KCNN3: variants seen among roughly 807,000 people sequenced by gnomAD.
KCNN3 encodes potassium calcium-activated channel subfamily N member 3.
Under a neutral mutation model 62.9 loss-of-function variants are expected in KCNN3, and 16 were observed. That is an observed-to-expected ratio of 0.25 (90% CI 0.17 to 0.39). The LOEUF (loss-of-function observed/expected upper bound fraction) is 0.39. Among genes scored for constraint, KCNN3 ranks in the 10% least tolerant of loss-of-function variants. The pLI, the probability that KCNN3 is intolerant of heterozygous loss-of-function variation, is 1.00. For missense variants in KCNN3, 599 were observed against 949.4 expected (o/e 0.63, Z 4.85); for synonymous variants, 370 against 389.2 (o/e 0.95, Z 0.58).
At chr1:154,713,379 C>G in intron 7 of KCNN3, 85 bp downstream of exon 7, 1 of 1,155,408 alleles carries the variant, frequency 8.7e-7, no homozygotes, top group Non-Finnish European at 1.3e-6. Flanking sequence ...CTGTCCAGTG[C>G]GAACCCAGCC....
chr1:154,778,611 C>CTTTTTTTT (rs11459390), intron 2 of KCNN3, among the ~76,000 whole-genome samples: 14 of 73,634 alleles, frequency 1.9e-4, no homozygotes, highest in Non-Finnish European at 2.7e-4. Flanking sequence ...CTCTCTGTCT[C>CTTTTTTTT]TTTTTTTTTT....
At chr1:154,743,066 C>T (rs1167468678) in intron 3 of KCNN3, among the ~76,000 whole-genome samples, 1 of 152,180 alleles carries the variant, frequency 6.6e-6, no homozygotes, top group Non-Finnish European at 1.5e-5. Context: ...TCTCCAGAAT[C>T]GGAGCGCCTG....
At chr1:154,761,185 C>T (rs1009169181) in intron 3 of KCNN3, among the ~76,000 whole-genome samples, 2 of 152,180 alleles carry the variant, frequency 1.3e-5, no homozygotes, top group African/African-American at 4.8e-5. Context: ...AAGAAATCAA[C>T]TTAATGTTTA....
chr1:154,854,364 T>C (rs1652431964), intron 1 of KCNN3, among the ~76,000 whole-genome samples: 1 of 152,198 alleles, frequency 6.6e-6, no homozygotes, highest in Non-Finnish European at 1.5e-5. Context: ...ATGACAATGA[T>C]GAAAGGAAAA....
chr1:154,713,187 C>T (rs565444129), intron 7 of KCNN3, among the ~76,000 whole-genome samples: 2 of 152,226 alleles, frequency 1.3e-5, no homozygotes, highest in African/African-American at 2.4e-5. Flanking sequence ...TAAAATGACA[C>T]GGAAAAGGTT....
chr1:154,810,501 T>C (rs1314880944), intron 2 of KCNN3, among the ~76,000 whole-genome samples: 1 of 152,102 alleles, frequency 6.6e-6, no homozygotes, highest in Non-Finnish European at 1.5e-5. Context: ...GGGTCCCAGT[T>C]CTGATGGCTG....
At chr1:154,718,670 C>A (rs539370597) in intron 5 of KCNN3, among the ~76,000 whole-genome samples, 20 of 152,316 alleles carry the variant, frequency 1.3e-4, no homozygotes, top group African/African-American at 4.8e-4. Flanking sequence ...ACGGAACTTA[C>A]AATCCTGCGG....
intron 1 of KCNN3, among the ~76,000 whole-genome samples, chr1:154,866,972 A>G (rs1652981529): frequency 6.6e-6 from 1 of 152,196 alleles, no homozygotes; most frequent in African/African-American, 2.4e-5. Flanking sequence ...ACAAATGTGC[A>G]TAGATCCCAC....
Position 154,707,968 on chromosome 1 carries a change from A to C in KCNN3, c.*8T>G. ...TATGGGTAATGCTTCTGGAGTGGGG[A>C]GATTTATTTAGCAACTGCTTGAACT... On this transcript the variant is annotated 3_prime_UTR_variant, in exon 8 of 8. Transcript: ENST00000271915. 2 of 1,612,766 alleles carry C rather than the reference A, an allele frequency of 1.2e-6. No homozygotes were observed. The highest frequency in any genetic ancestry group is 1.7e-6 in the Non-Finnish European group (2 of 1,179,316).
At chr1:154,850,278 A>C (rs1048665112) in intron 1 of KCNN3, among the ~76,000 whole-genome samples, 1 of 152,200 alleles carries the variant, frequency 6.6e-6, no homozygotes, top group African/African-American at 2.4e-5. Flanking sequence ...AGATAAACTC[A>C]AAGATTAAAT....
At chr1:154,775,802 A>G (rs1334696861) in intron 2 of KCNN3, among the ~76,000 whole-genome samples, 1 of 152,222 alleles carries the variant, frequency 6.6e-6, no homozygotes, top group East Asian at 1.9e-4. Context: ...ATGGCTGCTC[A>G]AAGGGTTCCC....
At chr1:154,744,748 G>A (rs1700901261) in intron 3 of KCNN3, among the ~76,000 whole-genome samples, 1 of 152,090 alleles carries the variant, frequency 6.6e-6, no homozygotes, top group African/African-American at 2.4e-5. Flanking sequence ...GGAGAAAATG[G>A]GGTGAAATCA....
chr1:154,861,595 G>C (rs1054543157), intron 1 of KCNN3, among the ~76,000 whole-genome samples: 3 of 152,056 alleles, frequency 2.0e-5, no homozygotes, highest in Non-Finnish European at 4.4e-5. Context: ...ATCATGGCTT[G>C]TCTAGTCCTT....
chr1:154,777,828 G>C (rs1462195087), intron 2 of KCNN3, among the ~76,000 whole-genome samples: 3 of 152,220 alleles, frequency 2.0e-5, no homozygotes, highest in Non-Finnish European at 4.4e-5. Context: ...CAAGTGGTCT[G>C]TTCTGGCCTG....
Position 154,705,117 on chromosome 1 carries a change from AAACTT to A in KCNN3, c.*2854_*2858del, listed in dbSNP as rs1699942445. 1 of 152,124 alleles carries A rather than the reference AAACTT, an allele frequency of 6.6e-6. No individual in the cohort carries two copies. 9.4% of individuals were successfully genotyped at this position (152,124 alleles called of 1,614,324 possible). On this transcript the variant is annotated 3_prime_UTR_variant, in exon 8 of 8. Coordinates refer to ENST00000271915, the MANE Select transcript of KCNN3 (RefSeq NM_002249.6). ...AGATAATTAAACCTCCTCCACCACA[AAACTT>A]GAAAATAAGGTACAAGAAGGCATGA... is the stretch of plus-strand genomic sequence containing the variant.
chr1:154,781,233 G>A (rs902411184), intron 2 of KCNN3, among the ~76,000 whole-genome samples: 2 of 152,124 alleles, frequency 1.3e-5, no homozygotes, highest in African/African-American at 4.8e-5. Flanking sequence ...GCCAAGTTTC[G>A]GCATTTGAGC....
chr1:154,776,621 G>C lies in KCNN3; in HGVS notation c.1030-4228C>G, dbSNP rs186343787. On this transcript the variant is annotated intron_variant, in intron 2 of 7. Transcript: ENST00000271915. Reference sequence around the variant, plus strand: ...ATCACAGCTCTCCAAGTGTGGCCTCGCTCCCTCCCGATTCAGAGCAAGTAG... The same window carrying C: ...ATCACAGCTCTCCAAGTGTGGCCTCCCTCCCTCCCGATTCAGAGCAAGTAG... Among the ~76,000 whole-genome samples, 536 of 152,190 alleles carry C rather than the reference G, an allele frequency of 3.5e-3. 3 individuals carry two copies. Among genetic ancestry groups the C allele is most frequent in the Non-Finnish European group, 4.3e-3 (292 of 68,000 alleles).
At chr1:154,726,427 A>T (rs1425656642) in intron 4 of KCNN3, among the ~76,000 whole-genome samples, 1 of 152,194 alleles carries the variant, frequency 6.6e-6, no homozygotes, top group Non-Finnish European at 1.5e-5. Context: ...GCAGGTCTCC[A>T]TCCCACTGCC....
At chr1:154,852,929 A>G (rs1482695336) in intron 1 of KCNN3, among the ~76,000 whole-genome samples, 2 of 152,036 alleles carry the variant, frequency 1.3e-5, no homozygotes, top group Admixed American at 6.6e-5. Context: ...ACCACTTCAG[A>G]TCCTCCAATA....
Sources: allele counts gnomAD v4.1 joint callset (sites outside exome capture counted in the v4.1 genomes callset), GRCh38; gene constraint gnomAD v4.1.1; transcripts MANE v1.5; gene names NCBI Gene and HGNC (gene_info 2026-07-23, HGNC 2026-07-21).